Variants in RAD50 observed in about 807,000 individuals in gnomAD.
RAD50 encodes DNA repair protein RAD50.
RAD50 carries 132 observed loss-of-function variants against 168.8 expected under a neutral mutation model. That is an observed-to-expected ratio of 0.78 (90% CI 0.68 to 0.90). RAD50 has a LOEUF of 0.90. Among genes scored for constraint, RAD50 ranks in the 40% least tolerant of loss-of-function variants. RAD50 has a pLI of 0.00. For missense variants in RAD50, 1,347 were observed against 1,534.4 expected (o/e 0.88, Z 2.04); for synonymous variants, 525 against 497.4 (o/e 1.06, Z -0.74).
intron 11 of RAD50, among the ~76,000 whole-genome samples, chr5:132,594,257 A>T (rs1305114922): frequency 2.0e-5 from 3 of 152,204 alleles, no homozygotes; most frequent in Non-Finnish European, 4.4e-5. Context: ...AATATGCTGA[A>T]TACATTAAAT....
intron 5 of RAD50, 74 bp downstream of exon 5, chr5:132,580,140 T>C: frequency 1.5e-6 from 2 of 1,294,740 alleles, no homozygotes; most frequent in Non-Finnish European, 1.1e-6. Context: ...TTGATATAAG[T>C]ATACATCGTG....
chr5:132,569,729 G>T (rs6867680), intron 2 of RAD50, among the ~76,000 whole-genome samples: 1 of 152,194 alleles, frequency 6.6e-6, no homozygotes, highest in East Asian at 1.9e-4. Context: ...CCAACATTCT[G>T]GACTGTAAAA....
At chr5:132,605,637 G>A (rs572762829) in intron 16 of RAD50, among the ~76,000 whole-genome samples, 3 of 152,242 alleles carry the variant, frequency 2.0e-5, no homozygotes, top group African/African-American at 7.2e-5. Flanking sequence ...CCCAGCCCAT[G>A]TTTCTTTAAT....
intron 23 of RAD50, among the ~76,000 whole-genome samples, chr5:132,638,857 G>A (rs1248974317): frequency 6.6e-6 from 1 of 152,156 alleles, no homozygotes; most frequent in Non-Finnish European, 1.5e-5. Flanking sequence ...GCATCCTTGG[G>A]GAACAAGGCT....
At chr5:132,573,762 A>G (rs769856433) in intron 2 of RAD50, among the ~76,000 whole-genome samples, 2 of 152,242 alleles carry the variant, frequency 1.3e-5, no homozygotes, top group Non-Finnish European at 2.9e-5. Flanking sequence ...GGGCAAATAC[A>G]GCCATTCCAA....
At chr5:132,606,450 C>G (rs1175400007) in intron 16 of RAD50, among the ~76,000 whole-genome samples, 1 of 152,178 alleles carries the variant, frequency 6.6e-6, no homozygotes, top group African/African-American at 2.4e-5. Flanking sequence ...GGACCAACAA[C>G]AAGTTCTGAA....
In RAD50 at chr5:132,616,112, A is replaced by G. The variant is rs587782295; in HGVS notation, c.3146A>G (p.Gln1049Arg). 1 of 1,612,988 alleles carries G rather than the reference A, an allele frequency of 6.2e-7. No homozygotes were observed. The highest frequency in any genetic ancestry group is 8.5e-7 in the Non-Finnish European group (1 of 1,179,278). Residue 1049 changes from glutamine to arginine, a missense_variant, in exon 20 of 25, where the codon CAG becomes CGG. By Grantham distance (43) the Gln-to-Arg change is conservative. Around this residue, in one of 3 missense-constraint regions of RAD50, gnomAD observed 635 missense variants for 739.2 expected, o/e 0.86. Transcript: ENST00000378823. ...KQHLKEMGQMQVLQMKSEHQK... is the reference protein window; with the variant it reads ...KQHLKEMGQMRVLQMKSEHQK... ...CATTTGAAGGAAATGGGTCAAATGC[A>G]GGTTTTGCAAATGAAAAGGTATGCT...
Position 132,616,081 on chromosome 5 carries a change from A to G in RAD50, c.3115A>G (p.Lys1039Glu). 1.9e-6 allele frequency: 3 copies of G among 1,613,308 alleles called. No individual in the cohort carries two copies. The highest frequency in any genetic ancestry group is 2.5e-6 in the Non-Finnish European group (3 of 1,179,446). ...EELKEVEEER[K>E]QHLKEMGQMQ... ...ACTAAAAGAAGTTGAAGAAGAAAGA[A>G]AACAACATTTGAAGGAAATGGGTCA... Residue 1039 changes from lysine to glutamate, a missense_variant, in exon 20 of 25, where the codon AAA (lysine) becomes GAA (glutamate). Coordinates refer to ENST00000378823, the MANE Select transcript of RAD50 (RefSeq NM_005732.4).
At chr5:132,592,660 A>G (rs1020652830) in intron 11 of RAD50, 3 of 289,378 alleles carry the variant, frequency 1.0e-5, no homozygotes, top group Non-Finnish European at 2.2e-5. Context: ...GAGCATCCCC[A>G]ACAACTGTTG....
chr5:132,595,343 T>G, intron 12 of RAD50: 1 of 519,872 alleles, frequency 1.9e-6, no homozygotes, highest in Non-Finnish European at 3.3e-6. Context: ...TCAGTAGGCA[T>G]TTTGTTATAC....
At chr5:132,619,061 T>G (rs1261484347) in intron 21 of RAD50, among the ~76,000 whole-genome samples, 1 of 152,248 alleles carries the variant, frequency 6.6e-6, no homozygotes, top group Non-Finnish European at 1.5e-5. Context: ...ATGTTGTTTA[T>G]GGCCGTAGTT....
intron 3 of RAD50, among the ~76,000 whole-genome samples, 191 bp from the exon 4 acceptor site, chr5:132,579,126 A>G (rs925398511): frequency 1.3e-5 from 2 of 152,210 alleles, no homozygotes; most frequent in Non-Finnish European, 2.9e-5. Context: ...TGTTTTACAT[A>G]TCTTTTCATC....
chr5:132,613,439 C>T (rs1003275020), intron 19 of RAD50, among the ~76,000 whole-genome samples: 20 of 151,988 alleles, frequency 1.3e-4, no homozygotes, highest in African/African-American at 4.8e-4. Context: ...TTTTTTTTCC[C>T]TTCCTTTCTC....
intron 13 of RAD50, among the ~76,000 whole-genome samples, chr5:132,600,535 A>T (rs1750870635): frequency 6.6e-6 from 1 of 152,176 alleles, no homozygotes; most frequent in African/African-American, 2.4e-5. Context: ...TAAAGCCTCA[A>T]ATTCGCCAGT....
intron 13 of RAD50, chr5:132,600,135 G>A (rs771600172): frequency 2.0e-5 from 3 of 152,242 alleles, no homozygotes; most frequent in Non-Finnish European, 4.4e-5. Flanking sequence ...CTACTGGAGT[G>A]CAGGTAATAC....
chr5:132,579,717 A>G, intron 4 of RAD50, 145 bp from the exon 5 acceptor site: 2 of 872,460 alleles, frequency 2.3e-6, no homozygotes, highest in Non-Finnish European at 3.6e-6. Flanking sequence ...AATTTTTTTC[A>G]CTTACCATTA....
rs2706378 is a variant in RAD50 at position 132,609,638 on chromosome 5, T to C, written c.3036+242T>C. The stretch of plus-strand genomic sequence containing the variant: ...CTGTACTGAAAATACAAAAATTAGC[T>C]GGCCGTGGCGGCGCGCACCTGTAGT... On this transcript the variant is annotated intron_variant, in intron 19 of 24. Coordinates refer to ENST00000378823, the MANE Select transcript of RAD50 (RefSeq NM_005732.4). 0.069 allele frequency among the ~76,000 whole-genome samples: 10,458 copies of C among 151,992 alleles called. 1,120 individuals are homozygous for C. The highest frequency in any genetic ancestry group is 0.23 in the African/African-American group (9,618 of 41,408).
chr5:132,596,220 C>T (rs1315748065), intron 13 of RAD50, among the ~76,000 whole-genome samples: 1 of 130,996 alleles, frequency 7.6e-6, no homozygotes, highest in African/African-American at 3.8e-5. Context: ...ATCTCGAGCT[C>T]CTGGCCTCAA....
rs141049143 is a variant in RAD50 at position 132,613,491 on chromosome 5, C to T, written c.3037-2512C>T. Among the ~76,000 whole-genome samples, 183 of 150,628 alleles carry T rather than the reference C, an allele frequency of 1.2e-3. 2 individuals are homozygous for T. The highest frequency in any genetic ancestry group is 4.1e-3 in the African/African-American group (168 of 40,916). On this transcript the variant is annotated intron_variant, in intron 19 of 24. Transcript: ENST00000378823. ...CTATAATTGGAATTCTCACTGCTTA[C>T]AGTACAAAGGACAAATTTGACCCAA... is the stretch of plus-strand genomic sequence containing the variant.
Sources: gnomAD v4.1 joint callset for allele counts (sites outside exome capture counted in the v4.1 genomes callset) on GRCh38, gnomAD v4.1.1 for gene constraint, gnomAD v4.1.1 regional missense constraint, MANE v1.5 for transcripts, NCBI Gene and HGNC (gene_info 2026-07-23, HGNC 2026-07-21) for gene names.